The following PKN2 variants were observed in gnomAD, a reference collection of about 807,000 sequenced individuals.
PKN2 encodes the protein protein kinase N2.
A neutral mutation model predicts 119.1 loss-of-function variants in PKN2; 38 were observed. The ratio of observed to expected loss-of-function variants is 0.32; its 90% CI spans 0.25 to 0.42. The LOEUF (loss-of-function observed/expected upper bound fraction) is 0.42. Ranked by LOEUF, PKN2 falls within the 10% of genes least tolerant of loss-of-function variation. PKN2 has a pLI of 1.00. For missense variants in PKN2, 850 were observed against 1,165.1 expected (o/e 0.73, Z 3.94); for synonymous variants, 390 against 384.9 (o/e 1.01, Z -0.15).
At chr1:88,745,805 G>T (rs780407051) in intron 2 of PKN2, among the ~76,000 whole-genome samples, 1 of 152,126 alleles carries the variant, frequency 6.6e-6, no homozygotes, top group East Asian at 1.9e-4. Flanking sequence ...AAAACTAGAA[G>T]CATCACACTA....
In PKN2 at chr1:88,727,101, G is replaced by A. The variant is rs150398550; in HGVS notation, c.49-13887G>A. On this transcript the variant is annotated intron_variant, in intron 1 of 21. Coordinates refer to ENST00000370521, the MANE Select transcript of PKN2 (RefSeq NM_006256.4). Reference sequence around the variant, plus strand: ...CAGTTTTTGCTTCCTGTGTTTTGAAGCTGTGTTGTTTCCAGAATTGTATTG... The same window carrying A: ...CAGTTTTTGCTTCCTGTGTTTTGAAACTGTGTTGTTTCCAGAATTGTATTG... Among the ~76,000 whole-genome samples, 1,007 of 150,438 alleles carry A rather than the reference G, an allele frequency of 6.7e-3. 9 individuals carry two copies. Among genetic ancestry groups the A allele is most frequent in the African/African-American group, 0.021 (851 of 41,128 alleles).
intron 15 of PKN2, among the ~76,000 whole-genome samples, chr1:88,809,489 G>A (rs766246610): frequency 6.6e-5 from 10 of 152,182 alleles, no homozygotes; most frequent in South Asian, 4.1e-4. Flanking sequence ...CTTGATTTAC[G>A]TGGGCTTCTG....
At chr1:88,825,348 C>CA (rs1354723325) in intron 18 of PKN2, among the ~76,000 whole-genome samples, 1 of 152,184 alleles carries the variant, frequency 6.6e-6, no homozygotes, top group Non-Finnish European at 1.5e-5. Context: ...ACTCCCAAAT[C>CA]TATTATTTCC....
chr1:88,781,562 T>C (rs190577589), intron 6 of PKN2, among the ~76,000 whole-genome samples: 20 of 152,246 alleles, frequency 1.3e-4, no homozygotes, highest in Middle Eastern at 3.4e-3. Flanking sequence ...TATTGTGCTT[T>C]ATGAATGTAG....
chr1:88,808,811 A>G (rs185685109), intron 15 of PKN2, among the ~76,000 whole-genome samples: 3 of 152,330 alleles, frequency 2.0e-5, no homozygotes, highest in Admixed American at 2.0e-4. Flanking sequence ...AATGGTAGAC[A>G]GCTCTGTACA....
chr1:88,797,654 AG>A (rs1671143382), intron 8 of PKN2, among the ~76,000 whole-genome samples: 3 of 138,742 alleles, frequency 2.2e-5, no homozygotes, highest in African/African-American at 5.6e-5. Flanking sequence ...AAAAAAAAAG[AG>A]AGAGAATGTC....
chr1:88,701,091 T>A (rs1337635599), intron 1 of PKN2, among the ~76,000 whole-genome samples: 1 of 152,222 alleles, frequency 6.6e-6, no homozygotes, highest in Non-Finnish European at 1.5e-5. Context: ...ATAATAGTAA[T>A]GTTTATTATT....
chr1:88,805,391 T>A, intron 10 of PKN2, 106 bp from the exon 11 acceptor site: 1 of 1,000,254 alleles, frequency 1.0e-6, no homozygotes, highest in Non-Finnish European at 1.4e-6. Flanking sequence ...CAAATTTTGT[T>A]TGTTCTTCGT....
chr1:88,701,992 T>G (rs910310795), intron 1 of PKN2, among the ~76,000 whole-genome samples: 1 of 152,210 alleles, frequency 6.6e-6, no homozygotes, highest in Non-Finnish European at 1.5e-5. Context: ...AGAGTCTCAC[T>G]CTGTAGCCCA....
intron 3 of PKN2, among the ~76,000 whole-genome samples, chr1:88,762,739 T>G (rs1375123950): frequency 6.6e-6 from 1 of 152,162 alleles, no homozygotes; most frequent in Non-Finnish European, 1.5e-5. Flanking sequence ...GGAAGCACAA[T>G]GGAGAATAAT....
intron 1 of PKN2, chr1:88,685,022 T>G (rs1553143743): frequency 5.0e-6 from 1 of 198,748 alleles, no homozygotes; most frequent in Non-Finnish European, 1.0e-5. Flanking sequence ...GCCCCGCCTT[T>G]CCTCCGTACA....
At chr1:88,799,105 A>G (rs922825423) in intron 8 of PKN2, among the ~76,000 whole-genome samples, 44 of 152,248 alleles carry the variant, frequency 2.9e-4, no homozygotes, top group Admixed American at 2.6e-4. Context: ...GAGTCTTTGG[A>G]ACTTTTTATA....
In PKN2 at chr1:88,761,364, T is replaced by C. The variant is rs72724736; in HGVS notation, c.504+988T>C. Reference sequence around the variant, plus strand: ...TTTTTTTATTTTAGTAGATATTTTTTAAATAATTTCTTAATAAAAGTTCTT... The same window carrying C: ...TTTTTTTATTTTAGTAGATATTTTTCAAATAATTTCTTAATAAAAGTTCTT... On this transcript the variant is annotated intron_variant, in intron 3 of 21. Coordinates refer to ENST00000370521, the MANE Select transcript of PKN2 (RefSeq NM_006256.4). Among the ~76,000 whole-genome samples the C allele has an allele frequency of 1.5e-4, 23 of 152,042 alleles. No individual in the cohort carries two copies. The South Asian group carries it at 4.3e-3, about 29-fold the overall frequency.
intron 2 of PKN2, among the ~76,000 whole-genome samples, chr1:88,744,196 A>G (rs757545850): frequency 1.3e-5 from 2 of 152,156 alleles, no homozygotes; most frequent in Non-Finnish European, 2.9e-5. Flanking sequence ...AGGTAATCCC[A>G]TGAATTTATT....
intron 1 of PKN2, among the ~76,000 whole-genome samples, chr1:88,706,013 C>T (rs189675851): frequency 6.8e-6 from 1 of 148,030 alleles, no homozygotes; most frequent in East Asian, 2.0e-4. Flanking sequence ...AACCGGCTTG[C>T]CAATTTCTAG....
At chr1:88,716,326 G>T (rs1391049522) in intron 1 of PKN2, among the ~76,000 whole-genome samples, 26 of 152,168 alleles carry the variant, frequency 1.7e-4, no homozygotes, top group Non-Finnish European at 5.9e-5. Context: ...GTGCAGAGCT[G>T]AGTTCAAGTC....
chr1:88,759,628 G>C (rs1669358028), intron 2 of PKN2, among the ~76,000 whole-genome samples: 1 of 152,088 alleles, frequency 6.6e-6, no homozygotes, highest in Non-Finnish European at 1.5e-5. Flanking sequence ...TAGGTTGTCT[G>C]TTTACTCTGT....
intron 6 of PKN2, among the ~76,000 whole-genome samples, chr1:88,776,528 T>C (rs1181672047): frequency 1.3e-5 from 2 of 151,734 alleles, no homozygotes; most frequent in African/African-American, 4.8e-5. Context: ...TCACTTGAGG[T>C]CAGGAGTTTG....
chr1:88,758,062 A>AAAAG (rs539880214), intron 2 of PKN2, among the ~76,000 whole-genome samples: 1,439 of 143,644 alleles, frequency 0.01, 11 homozygotes, highest in African/African-American at 0.011. Flanking sequence ...AAAAAAAAAA[A>AAAAG]AGAAGTGTTT....
Sources: allele counts gnomAD v4.1 joint callset (sites outside exome capture counted in the v4.1 genomes callset), GRCh38; gene constraint gnomAD v4.1.1; transcripts MANE v1.5; gene names NCBI Gene and HGNC (gene_info 2026-07-23, HGNC 2026-07-21).